The following SPTBN1 variants were observed in gnomAD, a reference collection of about 807,000 sequenced individuals.
The protein encoded by SPTBN1 is spectrin beta chain, non-erythrocytic 1.
In SPTBN1, 32 loss-of-function variants were observed where a neutral mutation model predicts 266.4. The observed-to-expected ratio is 0.12, with a 90% CI of 0.09 to 0.16. The LOEUF is 0.16. Among genes scored for constraint, SPTBN1 ranks in the 10% least tolerant of loss-of-function variants. SPTBN1 has a pLI of 1.00. For missense variants in SPTBN1, 2,296 were observed against 3,067.1 expected (o/e 0.75, Z 5.94); for synonymous variants, 1,336 against 1,162.2 (o/e 1.15, Z -3.04).
intron 2 of SPTBN1, among the ~76,000 whole-genome samples, chr2:54,588,917 T>C (rs550644540): frequency 6.6e-6 from 1 of 152,328 alleles, no homozygotes; most frequent in African/African-American, 2.4e-5. Flanking sequence ...TTTTTTTTGT[T>C]TTGTTTTTTA....
intron 2 of SPTBN1, among the ~76,000 whole-genome samples, chr2:54,575,441 C>A (rs527643741): frequency 1.3e-5 from 2 of 152,148 alleles, no homozygotes; most frequent in Non-Finnish European, 2.9e-5. Flanking sequence ...GTTGCAAGAG[C>A]GTAACATTGG....
rs1558484105 is a variant in SPTBN1 at position 54,664,222 on chromosome 2, T to C, written c.6421-231T>C. On this transcript the variant is annotated intron_variant, in intron 32 of 35. Coordinates refer to ENST00000356805, the MANE Select transcript of SPTBN1 (RefSeq NM_003128.3). The surrounding 1 kb of genome is among the most constrained non-coding windows in gnomAD (Gnocchi z 5.6). ...GAGGAATAGAGTGCAGTAAAACTCATACTGGCATTTCGCTTTTCTCATTTC... is the reference window on the plus strand; with the variant it reads ...GAGGAATAGAGTGCAGTAAAACTCACACTGGCATTTCGCTTTTCTCATTTC... The C allele has an allele frequency of 7.7e-6, 4 of 516,970 alleles. No individual in the cohort carries two copies. The highest frequency in any genetic ancestry group is 1.4e-5 in the Non-Finnish European group (4 of 290,360). 32.0% of individuals were successfully genotyped at this position (516,970 alleles called of 1,614,324 possible).
Position 54,556,567 on chromosome 2 carries a change from TAGAG to T in SPTBN1, c.148+30003_148+30006del, listed in dbSNP as rs1284909581. On this transcript the variant is annotated intron_variant, in intron 2 of 35. Coordinates refer to ENST00000356805, the MANE Select transcript of SPTBN1 (RefSeq NM_003128.3). ...ATTTTCAGTGCCATAGCTGGACACT[TAGAG>T]ACTTATCATTTCACCAGTATACTTA... Among the ~76,000 whole-genome samples, 7 of 152,164 alleles carry T rather than the reference TAGAG, an allele frequency of 4.6e-5. No individual in the cohort carries two copies. The East Asian group carries it at 1.3e-3, about 29-fold the overall frequency.
intron 2 of SPTBN1, among the ~76,000 whole-genome samples, chr2:54,553,076 G>A (rs1447145920): frequency 2.0e-5 from 3 of 152,250 alleles, no homozygotes; most frequent in Non-Finnish European, 2.9e-5. Context: ...GGGGGAAAAG[G>A]AGGCTTCATA....
chr2:54,509,487 G>A (rs545865070), intron 1 of SPTBN1, among the ~76,000 whole-genome samples: 4 of 152,342 alleles, frequency 2.6e-5, no homozygotes, highest in African/African-American at 4.8e-5. Flanking sequence ...TTAGGGCAGC[G>A]GCAGCTGCTG....
chr2:54,637,931 G>A (rs1327569524), intron 18 of SPTBN1, 128 bp downstream of exon 18: 33 of 728,382 alleles, frequency 4.5e-5, no homozygotes, highest in Non-Finnish European at 6.4e-5. Flanking sequence ...CATTTGACTC[G>A]CAGGCAGGGA....
intron 27 of SPTBN1, among the ~76,000 whole-genome samples, chr2:54,654,225 T>C (rs1680499838): frequency 6.6e-6 from 1 of 152,218 alleles, no homozygotes; most frequent in Non-Finnish European, 1.5e-5. Flanking sequence ...AGATGACTTT[T>C]CTGAGTTATT....
chr2:54,629,590 A>T lies in SPTBN1; in HGVS notation c.2456A>T (p.Asp819Val), dbSNP rs1451568073. The change falls in exon 14 of 36, where the codon GAC becomes GTC. Residue 819 changes from aspartate to valine, a missense_variant. Transcript: ENST00000356805. ...CCCCAGGAGCATGCCGAGTCTCCAG[A>T]CGTGAGGGGCAGGCTGTCGGGCATC... ...ALPQEHAESP[D>V]VRGRLSGIEE... is the part of the protein sequence containing the mutation. The T allele has an allele frequency of 6.2e-7, 1 of 1,613,914 alleles. No homozygotes were observed. The highest frequency in any genetic ancestry group is 1.3e-5 in the African/African-American group (1 of 74,940).
intron 18 of SPTBN1, among the ~76,000 whole-genome samples, chr2:54,638,848 A>G (rs1679338875): frequency 6.6e-6 from 1 of 152,254 alleles, no homozygotes; most frequent in South Asian, 2.1e-4. Context: ...GACACCCTGC[A>G]TGCAAATGTG....
chr2:54,481,167 A>G (rs1420769675), intron 1 of SPTBN1, among the ~76,000 whole-genome samples: 1 of 152,130 alleles, frequency 6.6e-6, no homozygotes, highest in Non-Finnish European at 1.5e-5. Context: ...TGATGATAAT[A>G]AAATCCTAGA....
At position 54,637,726 on chromosome 2, in the gene SPTBN1, C is replaced by T. The variant is rs765210317; in HGVS notation, c.3781C>T (p.Arg1261Cys). 4.3e-6 allele frequency: 7 copies of T among 1,613,280 alleles called. No individual in the cohort carries two copies. The highest frequency in any genetic ancestry group is 2.2e-5 in the East Asian group (1 of 44,860). Residue 1261 changes from arginine (R) to cysteine (C), a missense_variant, in exon 18 of 36, where the codon CGT becomes TGT. By Grantham distance (180) the Arg-to-Cys change is radical. Coordinates refer to ENST00000356805, the MANE Select transcript of SPTBN1 (RefSeq NM_003128.3). ...CCATTCTAATAGACATAGGAAGAAT[C>T]GTGAGACAGCCAGTGAACTTTTGAT... ...DSIDDRHRKN[R>C]ETASELLMRL...
At chr2:54,652,372 A>G (rs1270027353) in intron 26 of SPTBN1, 2 of 152,114 alleles carry the variant, frequency 1.3e-5, no homozygotes, top group African/African-American at 2.4e-5. Flanking sequence ...CTTCCACTTC[A>G]TTGTCATCTT....
rs767947526 is a variant in SPTBN1 at position 54,659,122 on chromosome 2, ACT to A, written c.6244-29_6244-28del. ...TTTCTGAAAAGAGGCAGAGTTTGGG[ACT>A]CTACCAAACATCACTCTATTTTCTC... On this transcript the variant is annotated intron_variant, in intron 30 of 35. Coordinates refer to ENST00000356805, the MANE Select transcript of SPTBN1 (RefSeq NM_003128.3). 2.5e-6 allele frequency: 4 copies of A among 1,610,378 alleles called. No homozygotes were observed. The South Asian group carries it at 4.4e-5, about 18-fold the overall frequency.
At chr2:54,491,378 A>G (rs1668675177) in intron 1 of SPTBN1, among the ~76,000 whole-genome samples, 1 of 152,312 alleles carries the variant, frequency 6.6e-6, no homozygotes, top group Admixed American at 6.5e-5. Flanking sequence ...TACCAACTAG[A>G]TAATAGGATT....
chr2:54,500,857 C>T (rs1221150832), intron 1 of SPTBN1, among the ~76,000 whole-genome samples: 1 of 152,186 alleles, frequency 6.6e-6, no homozygotes, highest in Non-Finnish European at 1.5e-5. Flanking sequence ...TTTTAAAGAT[C>T]TTGATGCTCA....
At position 54,597,554 on chromosome 2, in the gene SPTBN1, C is replaced by T. The variant is rs781340734; in HGVS notation, c.149-1538C>T. ...TGGGAAAGGCAGGACCTCAAGGAGCCGCTGACTGTAGCAGGTGGCCGGGGA... is the reference window on the plus strand; with the variant it reads ...TGGGAAAGGCAGGACCTCAAGGAGCTGCTGACTGTAGCAGGTGGCCGGGGA... On this transcript the variant is annotated intron_variant, in intron 2 of 35. Transcript: ENST00000356805. Among the ~76,000 whole-genome samples the T allele has an allele frequency of 4.6e-5, 7 of 152,298 alleles. No homozygotes were observed. In the East Asian group the frequency reaches 5.8e-4, roughly 13 times the overall value.
At chr2:54,638,638 C>T (rs969188431) in intron 18 of SPTBN1, among the ~76,000 whole-genome samples, 1 of 152,194 alleles carries the variant, frequency 6.6e-6, no homozygotes, top group Non-Finnish European at 1.5e-5. Context: ...GCTGATTTCA[C>T]GTGTGAGTTC....
At chr2:54,564,930 G>A (rs996251618) in intron 2 of SPTBN1, among the ~76,000 whole-genome samples, 3 of 152,166 alleles carry the variant, frequency 2.0e-5, no homozygotes, top group African/African-American at 7.2e-5. Context: ...CATACAAGCC[G>A]CTAAATATTT....
intron 18 of SPTBN1, 90 bp from the exon 19 acceptor site, chr2:54,642,893 C>T: frequency 6.8e-7 from 1 of 1,470,244 alleles, no homozygotes; most frequent in South Asian, 1.3e-5. Context: ...GTGTAGTATG[C>T]ATAATATGAC....
Sources: allele counts gnomAD v4.1 joint callset (sites outside exome capture counted in the v4.1 genomes callset), GRCh38; gene constraint gnomAD v4.1.1; non-coding constraint Gnocchi (gnomAD v3.1); transcripts MANE v1.5; gene names NCBI Gene and HGNC (gene_info 2026-07-23, HGNC 2026-07-21).